SYNE2: variants seen among roughly 807,000 people sequenced by gnomAD.
SYNE2 encodes nesprin-2.
SYNE2 carries 431 observed loss-of-function variants against 856.3 expected under a neutral mutation model. That is an observed-to-expected ratio of 0.50 (90% CI 0.47 to 0.55). The LOEUF is 0.55. Ranked by LOEUF, SYNE2 falls within the 20% of genes least tolerant of loss-of-function variation. The pLI is 0.00. For missense variants in SYNE2, 8,129 were observed against 8,023.2 expected, an observed-to-expected ratio of 1.01 and a Z score of -0.50; for synonymous variants, 2,923 against 2,872.3, an observed-to-expected ratio of 1.02 and a Z score of -0.56.
rs1237976921 is a variant in SYNE2 at position 64,009,963 on chromosome 14, T to A, written c.4578-3T>A. On this transcript the variant is annotated splice_region_variant and splice_polypyrimidine_tract_variant and intron_variant, in intron 31 of 115. Transcript: ENST00000555002. ...TAGCTATTGTATATTTTTCTATTCTTAGTCTTGAACAATGTGGGAGAGTTT... is the reference window on the plus strand; with the variant it reads ...TAGCTATTGTATATTTTTCTATTCTAAGTCTTGAACAATGTGGGAGAGTTT... 1.2e-6 allele frequency: 2 copies of A among 1,612,978 alleles called. No homozygotes were observed. The highest frequency in any genetic ancestry group is 2.2e-5 in the South Asian group (2 of 90,992).
Position 63,992,536 on chromosome 14 carries a change from C to T in SYNE2, c.2647-1299C>T, listed in dbSNP as rs114719054. ...CCTCAAGTGATCCTCCCATGTCGGT[C>T]TCCCAAAGTGCTGGGATTATGGACG... On this transcript the variant is annotated intron_variant, in intron 21 of 115. Coordinates refer to ENST00000555002, the MANE Select transcript of SYNE2 (RefSeq NM_182914.3). 6.2e-3 allele frequency among the ~76,000 whole-genome samples: 947 copies of T among 152,328 alleles called. 17 individuals carry two copies. The highest frequency in any genetic ancestry group is 0.022 in the African/African-American group (909 of 41,576).
intron 1 of SYNE2, among the ~76,000 whole-genome samples, chr14:63,835,444 G>C (rs1442994829): frequency 6.6e-6 from 1 of 151,884 alleles, no homozygotes; most frequent in Non-Finnish European, 1.5e-5. Context: ...CATTGGCCAG[G>C]CTGGTCTCAA....
intron 1 of SYNE2, among the ~76,000 whole-genome samples, chr14:63,884,009 A>G (rs979164983): frequency 6.6e-6 from 1 of 152,112 alleles, no homozygotes; most frequent in African/African-American, 2.4e-5. Context: ...GGGAGAGCTG[A>G]GAAGCGGGCC....
chr14:63,998,935 T>C lies in SYNE2; in HGVS notation c.3375T>C (p.Ile1125=), dbSNP rs773317510. The C allele has an allele frequency of 6.2e-7, 1 of 1,613,998 alleles. No homozygotes were observed. The highest frequency in any genetic ancestry group is 1.3e-5 in the African/African-American group (1 of 74,934). The stretch of plus-strand genomic sequence containing the variant: ...CCAGGTATGATACATACAGAGATAT[T>C]CTTGAACACCACCTGCAAAACAACA... ...LLERYDTYRD[I]LEHHLQNNKF... The change falls in exon 27 of 116, where the codon ATT becomes ATC. Residue 1125 remains isoleucine (I), a synonymous_variant. Transcript: ENST00000555002.
chr14:63,976,792 G>C, intron 12 of SYNE2, 65 bp downstream of exon 12: 1 of 1,529,782 alleles, frequency 6.5e-7, no homozygotes, highest in Non-Finnish European at 9.1e-7. Context: ...TCTTGAGGAA[G>C]ACTTTGTCCT....
At chr14:64,152,757 A>G (rs1162459346) in intron 85 of SYNE2, 41 bp downstream of exon 85, 3 of 1,611,792 alleles carry the variant, frequency 1.9e-6, no homozygotes, top group Admixed American at 1.7e-5. Flanking sequence ...CTCTTCACAT[A>G]TTCTTTTACC....
Position 63,981,052 on chromosome 14 carries a change from A to G in SYNE2, c.1715A>G (p.Lys572Arg). ...AAATCTGATGTTTGTATGTATAGAA[A>G]AAATATATATAATGTGAAGTCCACT... ...MVKSDVCMYR[K>R]NIYNVKSTLQ... is the part of the protein sequence containing the mutation. The change falls in exon 16 of 116, where the codon AAA becomes AGA. Residue 572 changes from lysine (K) to arginine (R), a missense_variant. Lys to Arg is a conservative substitution (Grantham distance 26, BLOSUM62 2). Around this residue, in one of 3 missense-constraint regions of SYNE2, gnomAD observed 2,422 missense variants for 2,357.4 expected, o/e 1.03. Transcript: ENST00000555002. 1.3e-6 allele frequency: 2 copies of G among 1,591,266 alleles called. No homozygotes were observed. Among genetic ancestry groups the G allele is most frequent in the Non-Finnish European group, 1.7e-6 (2 of 1,159,752 alleles).
chr14:63,977,190 A>G (rs546787669), intron 12 of SYNE2, among the ~76,000 whole-genome samples: 37 of 152,296 alleles, frequency 2.4e-4, no homozygotes, highest in African/African-American at 7.7e-4. Flanking sequence ...TCTCTGTAAA[A>G]TGTTCAGATT....
intron 19 of SYNE2, among the ~76,000 whole-genome samples, chr14:63,989,066 A>G (rs1475823748): frequency 6.6e-6 from 1 of 152,144 alleles, no homozygotes; most frequent in South Asian, 2.1e-4. Flanking sequence ...GTAATATTGA[A>G]CTATCATATT....
chr14:64,113,555 A>C lies in SYNE2; in HGVS notation c.12824A>C (p.Gln4275Pro). The C allele has an allele frequency of 6.2e-7, 1 of 1,609,838 alleles. No individual in the cohort carries two copies. The highest frequency in any genetic ancestry group is 8.5e-7 in the Non-Finnish European group (1 of 1,177,938). ...NADMQQVLEQQLVGCQAMLTE... is the reference protein window; with the variant it reads ...NADMQQVLEQPLVGCQAMLTE... ...GACATGCAGCAGGTGCTGGAACAGC[A>C]GCTGGTAGGGTGCCAGGTAAGACTG... Residue 4275 changes from glutamine to proline, a missense_variant, in exon 66 of 116, where the codon CAG becomes CCG. Gln to Pro is a moderately conservative substitution (Grantham distance 76, BLOSUM62 -1). Transcript: ENST00000555002.
intron 18 of SYNE2, among the ~76,000 whole-genome samples, chr14:63,984,648 T>G (rs2096611370): frequency 6.6e-6 from 1 of 152,188 alleles, no homozygotes; most frequent in Non-Finnish European, 1.5e-5. Flanking sequence ...AAATTAAAAA[T>G]CATATACTTG....
In SYNE2 at chr14:63,806,494, GTT is replaced by G. The variant is rs1399663371; in HGVS notation, c.-305+44509_-305+44510del. The stretch of plus-strand genomic sequence containing the variant: ...GAGTGATGCTGGTCTCAAAGAATGA[GTT>G]AGAGAGGAGTCCCTCCTCCTCTCTT... On this transcript the variant is annotated intron_variant, in intron 1 of 23. Transcript: ENST00000674003. Among the ~76,000 whole-genome samples, 7 of 152,264 alleles carry G rather than the reference GTT, an allele frequency of 4.6e-5. No individual in the cohort carries two copies. In the East Asian group the frequency reaches 1.4e-3, roughly 29 times the overall value.
intron 2 of SYNE2, among the ~76,000 whole-genome samples, chr14:63,925,397 A>G (rs2095651980): frequency 8.7e-6 from 1 of 115,248 alleles, no homozygotes. Context: ...AATACGTAGT[A>G]GTTGTATATA....
intron 113 of SYNE2, among the ~76,000 whole-genome samples, chr14:64,223,732 A>AT (rs2098705265): frequency 6.6e-6 from 1 of 152,220 alleles, no homozygotes; most frequent in Non-Finnish European, 1.5e-5. Flanking sequence ...TACAGGCATG[A>AT]GCCACCATAG....
At chr14:64,132,222 T>G in intron 76 of SYNE2, 43 bp from the exon 77 acceptor site, 8 of 1,607,704 alleles carry the variant, frequency 5.0e-6, no homozygotes, top group Non-Finnish European at 6.8e-6. Flanking sequence ...TTAAGAGTTT[T>G]CACAATTTCA....
chr14:63,849,584 C>A (rs771283693), upstream of SYNE2, among the ~76,000 whole-genome samples: 5 of 152,078 alleles, frequency 3.3e-5, no homozygotes, highest in Admixed American at 6.6e-5. Flanking sequence ...AACATGGCAC[C>A]CAAGTATAAG....
chr14:64,017,842 A>T (rs751673432), intron 34 of SYNE2, 86 bp downstream of exon 34: 14 of 1,321,026 alleles, frequency 1.1e-5, no homozygotes, highest in Non-Finnish European at 1.5e-5. Context: ...AAACATTAGG[A>T]TGCTCATATG....
chr14:63,947,865 G>A (rs2096060749), intron 6 of SYNE2, among the ~76,000 whole-genome samples: 1 of 151,966 alleles, frequency 6.6e-6, no homozygotes, highest in Admixed American at 6.6e-5. Context: ...AGCTCACCAT[G>A]TTCCTACTGT....
intron 57 of SYNE2, among the ~76,000 whole-genome samples, chr14:64,082,973 G>A (rs763370167): frequency 2.0e-5 from 3 of 152,152 alleles, no homozygotes; most frequent in Non-Finnish European, 2.9e-5. Context: ...GTTGCATTGC[G>A]CAGGTGTGTT....
Sources: gnomAD v4.1 joint callset for allele counts (sites outside exome capture counted in the v4.1 genomes callset) on GRCh38, gnomAD v4.1.1 for gene constraint, gnomAD v4.1.1 regional missense constraint, MANE v1.5 for transcripts, NCBI Gene and HGNC (gene_info 2026-07-23, HGNC 2026-07-21) for gene names.